Variants in GABRB1 observed in about 807,000 individuals in gnomAD.
The protein encoded by GABRB1 is gamma-aminobutyric acid type A receptor subunit beta1.
A neutral mutation model predicts 51.6 loss-of-function variants in GABRB1; 17 were observed. That is an observed-to-expected ratio of 0.33 (90% CI 0.23 to 0.49). GABRB1 has a LOEUF of 0.49. Among genes scored for constraint, GABRB1 ranks in the 20% least tolerant of loss-of-function variants. The pLI is 0.99. For synonymous variants in GABRB1, 247 were observed against 218.9 expected (o/e 1.13, Z -1.14); for missense variants, 410 against 600.6 (o/e 0.68, Z 3.32).
At chr4:47,210,765 A>T (rs1720323094) in intron 4 of GABRB1, among the ~76,000 whole-genome samples, 1 of 152,184 alleles carries the variant, frequency 6.6e-6, no homozygotes, top group East Asian at 1.9e-4. Flanking sequence ...AAAGACATAG[A>T]GAAAATGAAC....
chr4:47,242,089 A>T (rs1481840744), intron 4 of GABRB1, among the ~76,000 whole-genome samples: 1 of 145,034 alleles, frequency 6.9e-6, no homozygotes, highest in Non-Finnish European at 1.5e-5. Context: ...CCCTGTGTCC[A>T]TGTGTTCTCA....
At chr4:47,257,223 C>T (rs970786361) in intron 4 of GABRB1, among the ~76,000 whole-genome samples, 1 of 152,142 alleles carries the variant, frequency 6.6e-6, no homozygotes, top group African/African-American at 2.4e-5. Context: ...ATCTATACAA[C>T]GTTTTCCTTC....
intron 4 of GABRB1, among the ~76,000 whole-genome samples, chr4:47,213,742 T>C (rs1041821043): frequency 2.0e-5 from 3 of 152,128 alleles, no homozygotes; most frequent in Non-Finnish European, 4.4e-5. Context: ...CCATCTTCTG[T>C]TCATTGTAAA....
intron 5 of GABRB1, among the ~76,000 whole-genome samples, chr4:47,378,651 A>C (rs1243903577): frequency 6.6e-6 from 1 of 152,088 alleles, no homozygotes; most frequent in Non-Finnish European, 1.5e-5. Flanking sequence ...CGCCCAGCTA[A>C]TTTTTTGTAT....
chr4:47,142,559 G>T (rs747239952), intron 3 of GABRB1, among the ~76,000 whole-genome samples: 1 of 151,850 alleles, frequency 6.6e-6, no homozygotes, highest in Non-Finnish European at 1.5e-5. Context: ...TTTATAACAT[G>T]ATTACTCCAA....
intron 5 of GABRB1, among the ~76,000 whole-genome samples, chr4:47,336,456 T>C (rs923413485): frequency 3.9e-5 from 6 of 152,150 alleles, no homozygotes; most frequent in Admixed American, 3.3e-4. Flanking sequence ...ACCGTTCCCA[T>C]TTTTCCAAGG....
At chr4:47,127,951 A>G (rs1349323122) in intron 3 of GABRB1, among the ~76,000 whole-genome samples, 1 of 151,808 alleles carries the variant, frequency 6.6e-6, no homozygotes, top group African/African-American at 2.4e-5. Flanking sequence ...AAGGAGAAAA[A>G]TAAACAAAAA....
At chr4:47,253,481 G>A (rs1018499503) in intron 4 of GABRB1, among the ~76,000 whole-genome samples, 2 of 152,100 alleles carry the variant, frequency 1.3e-5, no homozygotes, top group Non-Finnish European at 2.9e-5. Flanking sequence ...CCATCTTTAT[G>A]TTTGCCATGA....
At chr4:47,220,518 A>C (rs1030899236) in intron 4 of GABRB1, among the ~76,000 whole-genome samples, 1 of 151,882 alleles carries the variant, frequency 6.6e-6, no homozygotes, top group African/African-American at 2.4e-5. Context: ...CCTCTCTTGA[A>C]TTTCCCAATT....
chr4:47,044,918 C>T (rs79065904), intron 3 of GABRB1, among the ~76,000 whole-genome samples: 1,709 of 152,118 alleles, frequency 0.011, 36 homozygotes, highest in African/African-American at 0.04. Context: ...AGCAGAACCA[C>T]GTTACCACTC....
intron 5 of GABRB1, among the ~76,000 whole-genome samples, chr4:47,341,756 A>G (rs1725909445): frequency 6.6e-6 from 1 of 152,198 alleles, no homozygotes; most frequent in Non-Finnish European, 1.5e-5. Flanking sequence ...TTCTTTGTTT[A>G]ATGAACAAAT....
chr4:47,402,467 A>G (rs1203153851), intron 5 of GABRB1, among the ~76,000 whole-genome samples: 1 of 152,204 alleles, frequency 6.6e-6, no homozygotes, highest in Non-Finnish European at 1.5e-5. Context: ...TATTCCTAAA[A>G]TTATTTTTAG....
chr4:47,195,434 A>G (rs1352832889), intron 4 of GABRB1, among the ~76,000 whole-genome samples: 2 of 117,900 alleles, frequency 1.7e-5, no homozygotes, highest in African/African-American at 7.3e-5. Context: ...ATAGATAGAT[A>G]GATAGATAGA....
chr4:47,259,936 T>C (rs889176173), intron 4 of GABRB1, among the ~76,000 whole-genome samples: 1 of 152,200 alleles, frequency 6.6e-6, no homozygotes, highest in Non-Finnish European at 1.5e-5. Flanking sequence ...TGTTAAAGTC[T>C]CCCATTATTA....
intron 3 of GABRB1, among the ~76,000 whole-genome samples, chr4:47,103,289 G>C (rs936709924): frequency 1.3e-5 from 2 of 151,970 alleles, no homozygotes; most frequent in Non-Finnish European, 2.9e-5. Context: ...TGGCAATTGT[G>C]AAAAACAAAC....
chr4:47,283,381 TTTTTTTTTTTTTTTTTTTTTTTG>T (rs1723370921), intron 4 of GABRB1, among the ~76,000 whole-genome samples: 5 of 90,242 alleles, frequency 5.5e-5, no homozygotes, highest in African/African-American at 2.5e-4. Flanking sequence ...TTTTTTTTTT[TTTTTTTTTTTTTTTTTTTTTTTG>T]AGACAGAGTC....
intron 5 of GABRB1, among the ~76,000 whole-genome samples, chr4:47,382,343 A>G (rs534477428): frequency 2.0e-5 from 3 of 152,080 alleles, no homozygotes; most frequent in African/African-American, 7.2e-5. Context: ...CACAACCAAA[A>G]ATAGACATTG....
chr4:47,350,218 T>TATATATAGAG lies in GABRB1; in HGVS notation c.544+30010_544+30011insTATATAGAGA, dbSNP rs750199965. Among the ~76,000 whole-genome samples the TATATATAGAG allele has an allele frequency of 2.1e-3, 118 of 56,608 alleles. 1 individual carries two copies. Among genetic ancestry groups the TATATATAGAG allele is most frequent in the African/African-American group, 4.0e-3 (50 of 12,414 alleles). The allele number at this position is 56,608 out of a possible 152,430, so 37.1% of individuals were successfully genotyped here. A position where few individuals can be genotyped will look rare whatever the true frequency, so the allele number is the denominator to read the frequency against. On this transcript the variant is annotated intron_variant, in intron 5 of 8. Transcript: ENST00000295454. ...ATATATATATATATATATATATATA[T>TATATATAGAG]AGAGAGAGAGAGAGAGAGAGAGAGA... is the stretch of plus-strand genomic sequence containing the variant.
chr4:47,366,707 TG>T (rs1726997203), intron 5 of GABRB1, among the ~76,000 whole-genome samples: 1 of 152,174 alleles, frequency 6.6e-6, no homozygotes, highest in African/African-American at 2.4e-5. Flanking sequence ...TGAAGAATAA[TG>T]TCATGTGGCA....
Sources: gnomAD v4.1 joint callset for allele counts (sites outside exome capture counted in the v4.1 genomes callset) on GRCh38, gnomAD v4.1.1 for gene constraint, MANE v1.5 for transcripts, NCBI Gene and HGNC (gene_info 2026-07-23, HGNC 2026-07-21) for gene names.